The following RTL6 variants were observed in gnomAD, a reference collection of about 807,000 sequenced individuals.
RTL6 encodes retrotransposon Gag like 6.
In RTL6, 9 loss-of-function variants were observed where a neutral mutation model predicts 12.4. That is an observed-to-expected ratio of 0.73 (90% CI 0.44 to 1.27). The LOEUF is 1.27. Ranked by LOEUF, RTL6 falls within the 50% of genes most tolerant of loss-of-function variation. The pLI is 0.00. For missense variants in RTL6, 291 were observed against 330.7 expected, an observed-to-expected ratio of 0.88 and a Z score of 0.93; for synonymous variants, 160 against 142.8, an observed-to-expected ratio of 1.12 and a Z score of -0.86.
At position 44,492,778 on chromosome 22, in the gene RTL6, G is replaced by T. The variant is rs1924339922; in HGVS notation, c.*4059C>A. On this transcript the variant is annotated 3_prime_UTR_variant, in exon 2 of 2. Coordinates refer to ENST00000341255, the MANE Select transcript of RTL6 (RefSeq NM_032287.3). ...ATGCTATTTTTTCATTATCAAATTA[G>T]CAAATATTTAGCCAGATGATAATTC... 1 of 152,168 alleles carries T rather than the reference G, an allele frequency of 6.6e-6. No homozygotes were observed. The highest frequency in any genetic ancestry group is 2.4e-5 in the African/African-American group (1 of 41,436). The allele number at this position is 152,168 out of a possible 1,614,324, so 9.4% of individuals were successfully genotyped here.
In RTL6 at chr22:44,497,581, TGA is replaced by T; in HGVS notation, c.-27_-26del. 1 of 1,608,844 alleles carries T rather than the reference TGA, an allele frequency of 6.2e-7. No individual in the cohort carries two copies. The highest frequency in any genetic ancestry group is 8.5e-7 in the Non-Finnish European group (1 of 1,177,670). The stretch of plus-strand genomic sequence containing the variant: ...TGCTGGCCAGAGGTCAGCCACACGC[TGA>T]GATCCGCGGGTGGACCAAGAGGGTG... On this transcript the variant is annotated 5_prime_UTR_variant, in exon 2 of 2. Coordinates refer to ENST00000341255, the MANE Select transcript of RTL6 (RefSeq NM_032287.3).
In RTL6 at chr22:44,496,455, T is replaced by C; in HGVS notation, c.*382A>G. On this transcript the variant is annotated 3_prime_UTR_variant, in exon 2 of 2. Transcript: ENST00000341255. ...CCAGGTGGGGAGCCGCCAGGGGAGC[T>C]TGGAGAGGGCAGAGTAGGAGCCTCC... 5.1e-6 allele frequency: 1 copy of C among 195,974 alleles called. No homozygotes were observed. Among genetic ancestry groups the C allele is most frequent in the Non-Finnish European group, 1.0e-5 (1 of 97,314 alleles). The allele number at this position is 195,974 out of a possible 1,614,324, so 12.1% of individuals were successfully genotyped here. A position where few individuals can be genotyped will look rare whatever the true frequency, so the allele number is the denominator to read the frequency against.
In RTL6 at chr22:44,492,811, G is replaced by A. The variant is rs1262684654; in HGVS notation, c.*4026C>T. ...TTAGCCAGATGATAATTCCCAATAC[G>A]GGCAAGATGGACATGTTTATCCTTG... On this transcript the variant is annotated 3_prime_UTR_variant, in exon 2 of 2. Transcript: ENST00000341255. The A allele has an allele frequency of 3.3e-5, 5 of 152,120 alleles. No individual in the cohort carries two copies. The highest frequency in any genetic ancestry group is 6.5e-5 in the Admixed American group (1 of 15,274). The allele number at this position is 152,120 out of a possible 1,614,324, so 9.4% of individuals were successfully genotyped here. A position where few individuals can be genotyped will look rare whatever the true frequency, so the allele number is the denominator to read the frequency against.
rs771348943 is a variant in RTL6 at position 44,495,753 on chromosome 22, G to C, written c.*1084C>G. 3 of 152,308 alleles carry C rather than the reference G, an allele frequency of 2.0e-5. No homozygotes were observed. The highest frequency in any genetic ancestry group is 4.4e-5 in the Non-Finnish European group (3 of 68,106). 9.4% of individuals were successfully genotyped at this position (152,308 alleles called of 1,614,324 possible). ...AGCCCATCTGATTGCCCAGGCACGG[G>C]GAGTACATGCTACAAGGTGCCTTTG... On this transcript the variant is annotated 3_prime_UTR_variant, in exon 2 of 2. Coordinates refer to ENST00000341255, the MANE Select transcript of RTL6 (RefSeq NM_032287.3).
In RTL6 at chr22:44,497,160, C is replaced by T. The variant is rs1249037118; in HGVS notation, c.397G>A (p.Glu133Lys). The change falls in exon 2 of 2, where the codon GAG becomes AAG. Residue 133 changes from glutamate (E) to lysine (K), a missense_variant. Glu to Lys is a moderately conservative substitution (Grantham distance 56). This residue lies in a region of RTL6 where 132 missense variants were observed against 163.9 expected (regional missense o/e 0.81). Transcript: ENST00000341255. ...MIFQASRFPG[E>K]AERVAFLVSR... ...ACAAGGAAGGCCACACGCTCGGCCT[C>T]ACCCGGGAAGCGGGAGGCCTGGAAG... The T allele has an allele frequency of 5.0e-6, 8 of 1,613,938 alleles. No individual in the cohort carries two copies. Among genetic ancestry groups the T allele is most frequent in the Non-Finnish European group, 6.8e-6 (8 of 1,179,802 alleles).
At chr22:44,497,951 GA>G (rs1924504448) in intron 1 of RTL6, 92 bp downstream of exon 1, 1 of 164,634 alleles carries the variant, frequency 6.1e-6, no homozygotes, top group African/African-American at 2.4e-5. Flanking sequence ...CCGCCCGGGG[GA>G]GAACAAAGGG....
chr22:44,497,713 GC>G lies in RTL6; in HGVS notation c.-158del. 1 of 1,010,576 alleles carries G rather than the reference GC, an allele frequency of 9.9e-7. No homozygotes were observed. The highest frequency in any genetic ancestry group is 1.4e-6 in the Non-Finnish European group (1 of 697,878). 62.6% of individuals were successfully genotyped at this position (1,010,576 alleles called of 1,614,324 possible). A position where few individuals can be genotyped will look rare whatever the true frequency, so the allele number is the denominator to read the frequency against. On this transcript the variant is annotated 5_prime_UTR_variant, in exon 2 of 2. Transcript: ENST00000341255. ...AGGGCCCGAGAGAGGGGCACGCGGT[GC>G]CAGGCCCTAGGGACTTCGGCCCCGG...
rs768578262 is a variant in RTL6, at chr22:44,497,155, G to A, written c.402C>T (p.Ala134=). The part of the protein sequence containing the change: ...IFQASRFPGE[A]ERVAFLVSRL... ...GAGACACAAGGAAGGCCACACGCTC[G>A]GCCTCACCCGGGAAGCGGGAGGCCT... The change falls in exon 2 of 2, where the codon GCC becomes GCT. Residue 134 remains alanine, a synonymous_variant. Coordinates refer to ENST00000341255, the MANE Select transcript of RTL6 (RefSeq NM_032287.3). The A allele has an allele frequency of 6.2e-7, 1 of 1,613,756 alleles. No homozygotes were observed. The highest frequency in any genetic ancestry group is 8.5e-7 in the Non-Finnish European group (1 of 1,179,740).
Position 44,497,093 on chromosome 22 carries a change from T to A in RTL6, c.464A>T (p.His155Leu), listed in dbSNP as rs1467331715. 6.2e-7 allele frequency: 1 copy of A among 1,614,140 alleles called. No individual in the cohort carries two copies. The highest frequency in any genetic ancestry group is 1.3e-5 in the African/African-American group (1 of 75,058). The change falls in exon 2 of 2, where the codon CAC (histidine) becomes CTC (leucine). Residue 155 changes from histidine to leucine, a missense_variant. By Grantham distance (99) the His-to-Leu change is moderately conservative. This residue lies in a region of RTL6 where 132 missense variants were observed against 163.9 expected (regional missense o/e 0.81). Transcript: ENST00000341255. ...GCGCAAGGGGCTGTCAGGTTGCATG[T>A]GGGGGATAGCCCACTTCTCCGCCTC... ...TGEAEKWAIP[H>L]MQPDSPLRNN...
rs748594163 is a variant in RTL6, at chr22:44,497,113, C to G, written c.444G>C (p.Ala148=). The G allele has an allele frequency of 2.5e-6, 4 of 1,614,052 alleles. No homozygotes were observed. The highest frequency in any genetic ancestry group is 3.4e-6 in the Non-Finnish European group (4 of 1,180,014). The stretch of plus-strand genomic sequence containing the variant: ...GCATGTGGGGGATAGCCCACTTCTC[C>G]GCCTCCCCAGTCAGTCGAGACACAA... ...AFLVSRLTGE[A]EKWAIPHMQP... The change falls in exon 2 of 2, where the codon GCG becomes GCC. Residue 148 remains alanine, a synonymous_variant. Transcript: ENST00000341255.
rs1041542352 is a variant in RTL6 at position 44,496,327 on chromosome 22, T to C, written c.*510A>G. ...GGCCCTGGCAGGGCTGGGAGGCATC[T>C]TGGGCAGGAAGCCAGACCCCCTCTC... On this transcript the variant is annotated 3_prime_UTR_variant, in exon 2 of 2. Coordinates refer to ENST00000341255, the MANE Select transcript of RTL6 (RefSeq NM_032287.3). 1.3e-5 allele frequency: 2 copies of C among 156,074 alleles called. No individual in the cohort carries two copies. The highest frequency in any genetic ancestry group is 4.8e-5 in the African/African-American group (2 of 41,504). The allele number at this position is 156,074 out of a possible 1,614,324, so 9.7% of individuals were successfully genotyped here. A position where few individuals can be genotyped will look rare whatever the true frequency, so the allele number is the denominator to read the frequency against.
At position 44,497,035 on chromosome 22, in the gene RTL6, C is replaced by A; in HGVS notation, c.522G>T (p.Arg174=). The part of the protein sequence containing the change: ...NNYQGFLAEL[R]RTYKSPLRHA... ...GCCGGAGCGGAGACTTGTAGGTTCTCCGCAACTCTGCCAGGAACCCCTGAT... is the reference window on the plus strand; with the variant it reads ...GCCGGAGCGGAGACTTGTAGGTTCTACGCAACTCTGCCAGGAACCCCTGAT... Residue 174 remains arginine, a synonymous_variant, in exon 2 of 2, where the codon CGG becomes CGT. Coordinates refer to ENST00000341255, the MANE Select transcript of RTL6 (RefSeq NM_032287.3). 1.9e-6 allele frequency: 3 copies of A among 1,614,054 alleles called. No individual in the cohort carries two copies. Among genetic ancestry groups the A allele is most frequent in the Non-Finnish European group, 2.5e-6 (3 of 1,179,996 alleles).
Position 44,497,544 on chromosome 22 carries a change from GCGGCTGCA to G in RTL6, c.5_12del (p.Val2AlafsTer6). The G allele has an allele frequency of 6.2e-7, 1 of 1,613,640 alleles. No homozygotes were observed. Among genetic ancestry groups the G allele is most frequent in the Non-Finnish European group, 8.5e-7 (1 of 1,179,888 alleles). On this transcript the variant is annotated frameshift_variant, in exon 2 of 2. Coordinates refer to ENST00000341255, the MANE Select transcript of RTL6 (RefSeq NM_032287.3). LOFTEE classifies it high-confidence loss of function. ...GCTGGGCTTTCAGCTTTGGACGTCTGCGGCTGCACCATGCTGGCCAGAGGTCAGCCACA... is the reference window on the plus strand; with the variant it reads ...GCTGGGCTTTCAGCTTTGGACGTCTGCCATGCTGGCCAGAGGTCAGCCACA...
At position 44,494,216 on chromosome 22, in the gene RTL6, T is replaced by C. The variant is rs1924380176; in HGVS notation, c.*2621A>G. 1 of 152,234 alleles carries C rather than the reference T, an allele frequency of 6.6e-6. No individual in the cohort carries two copies. Among genetic ancestry groups the C allele is most frequent in the African/African-American group, 2.4e-5 (1 of 41,450 alleles). The allele number at this position is 152,234 out of a possible 1,614,324, so 9.4% of individuals were successfully genotyped here. A position where few individuals can be genotyped will look rare whatever the true frequency, so the allele number is the denominator to read the frequency against. On this transcript the variant is annotated 3_prime_UTR_variant, in exon 2 of 2. Coordinates refer to ENST00000341255, the MANE Select transcript of RTL6 (RefSeq NM_032287.3). ...CTTCACATGCACTGTTGAACACTAC[T>C]GCCTGTCCCTTTTATCAATCAATAC... is the stretch of plus-strand genomic sequence containing the variant.
Position 44,496,570 on chromosome 22 carries a change from T to G in RTL6, c.*267A>C, listed in dbSNP as rs1338134557. 2.1e-6 allele frequency: 1 copy of G among 482,452 alleles called. No individual in the cohort carries two copies. 29.9% of individuals were successfully genotyped at this position (482,452 alleles called of 1,614,324 possible). ...TGCCTAAGTAGCAGAGCGGTAGTCA[T>G]TGAAACAGGCCGGGATGCCAGCAAG... On this transcript the variant is annotated 3_prime_UTR_variant, in exon 2 of 2. Transcript: ENST00000341255.
chr22:44,497,434 C>A lies in RTL6; in HGVS notation c.123G>T (p.Arg41=). The part of the protein sequence containing the change: ...SLRLTNSALR[R]EASTLRAEKA... ...TCTCCGCCCGCAGGGTGGAAGCCTC[C>A]CGCCTCAGCGCCGAGTTGGTGAGGC... The change falls in exon 2 of 2, where the codon CGG becomes CGT. Residue 41 remains arginine (R), a synonymous_variant. Coordinates refer to ENST00000341255, the MANE Select transcript of RTL6 (RefSeq NM_032287.3). 6.2e-7 allele frequency: 1 copy of A among 1,614,186 alleles called. No individual in the cohort carries two copies. The highest frequency in any genetic ancestry group is 8.5e-7 in the Non-Finnish European group (1 of 1,180,028).
chr22:44,497,616 C>T lies in RTL6; in HGVS notation c.-60G>A. The T allele has an allele frequency of 6.4e-7, 1 of 1,568,710 alleles. No homozygotes were observed. Among genetic ancestry groups the T allele is most frequent in the African/African-American group, 1.4e-5 (1 of 74,000 alleles). ...GGGTGGACCAAGAGGGTGTGGTGAC[C>T]AGGTGGGCCCCTGTAGAAATGGGGG... On this transcript the variant is annotated 5_prime_UTR_variant, in exon 2 of 2. Transcript: ENST00000341255.
Position 44,497,127 on chromosome 22 carries a change from G to C in RTL6, c.430C>G (p.Leu144Val). The change falls in exon 2 of 2, where the codon CTG becomes GTG. Residue 144 changes from leucine (L) to valine (V), a missense_variant. By Grantham distance (32) the Leu-to-Val change is conservative. This residue lies in a region of RTL6 where 132 missense variants were observed against 163.9 expected (regional missense o/e 0.81). Coordinates refer to ENST00000341255, the MANE Select transcript of RTL6 (RefSeq NM_032287.3). ...AERVAFLVSR[L>V]TGEAEKWAIP... ...GCCCACTTCTCCGCCTCCCCAGTCA[G>C]TCGAGACACAAGGAAGGCCACACGC... is the stretch of plus-strand genomic sequence containing the variant. 2 of 1,614,138 alleles carry C rather than the reference G, an allele frequency of 1.2e-6. No individual in the cohort carries two copies. Among genetic ancestry groups the C allele is most frequent in the Non-Finnish European group, 1.7e-6 (2 of 1,179,968 alleles).
In RTL6 at chr22:44,497,176, G is replaced by A; in HGVS notation, c.381C>T (p.Ala127=). The change falls in exon 2 of 2, where the codon GCC becomes GCT. Residue 127 remains alanine, a synonymous_variant. Coordinates refer to ENST00000341255, the MANE Select transcript of RTL6 (RefSeq NM_032287.3). ...MQMDRFMIFQ[A]SRFPGEAERV... ...GCTCGGCCTCACCCGGGAAGCGGGA[G>A]GCCTGGAAGATCATGAATCTGTCCA... The A allele has an allele frequency of 6.2e-7, 1 of 1,614,012 alleles. No homozygotes were observed. The highest frequency in any genetic ancestry group is 8.5e-7 in the Non-Finnish European group (1 of 1,179,880).
Sources: gnomAD v4.1 joint callset for allele counts on GRCh38, gnomAD v4.1.1 for gene constraint, gnomAD v4.1.1 regional missense constraint, MANE v1.5 for transcripts, NCBI Gene and HGNC (gene_info 2026-07-23, HGNC 2026-07-21) for gene names.